The following NCALD variants were observed in gnomAD, a reference collection of about 807,000 sequenced individuals.
NCALD encodes neurocalcin delta.
A neutral mutation model predicts 18.6 loss-of-function variants in NCALD; 10 were observed. That is an observed-to-expected ratio of 0.54 (90% confidence interval 0.33 to 0.91). The LOEUF (loss-of-function observed/expected upper bound fraction) is 0.91. Ranked by LOEUF, NCALD falls within the 40% of genes least tolerant of loss-of-function variation. The pLI, the probability that NCALD is intolerant of heterozygous loss-of-function variation, is 0.03. For synonymous variants in NCALD, 88 were observed against 87.4 expected, an observed-to-expected ratio of 1.01 and a Z score of -0.04; for missense variants, 184 against 247.6, an observed-to-expected ratio of 0.74 and a Z score of 1.72.
chr8:101,837,225 G>A (rs149683634), intron 4 of NCALD, among the ~76,000 whole-genome samples: 56 of 152,262 alleles, frequency 3.7e-4, no homozygotes, highest in African/African-American at 1.3e-3. Flanking sequence ...CACTCTCCCT[G>A]TGACCTTGAA....
At chr8:101,780,620 T>C (rs1302881450) in intron 1 of NCALD, among the ~76,000 whole-genome samples, 1 of 151,934 alleles carries the variant, frequency 6.6e-6, no homozygotes, top group Non-Finnish European at 1.5e-5. Flanking sequence ...CTTGGGAAGA[T>C]GAAAAAGCTC....
chr8:101,911,804 C>T (rs1201842164), intron 3 of NCALD, among the ~76,000 whole-genome samples: 5 of 152,132 alleles, frequency 3.3e-5, no homozygotes, highest in African/African-American at 1.2e-4. Flanking sequence ...GTTTCTGTTT[C>T]GGTCCCCTAA....
chr8:102,053,075 C>T (rs558484907), intron 1 of NCALD, among the ~76,000 whole-genome samples: 1 of 152,302 alleles, frequency 6.6e-6, no homozygotes, highest in Admixed American at 6.5e-5. Flanking sequence ...GATCCTTCTA[C>T]TGGAGTGAAC....
chr8:101,737,017 A>C (rs1809952277), intron 1 of NCALD, among the ~76,000 whole-genome samples: 1 of 152,238 alleles, frequency 6.6e-6, no homozygotes, highest in Non-Finnish European at 1.5e-5. Flanking sequence ...CAAGAATGTA[A>C]GAGAGGTGAG....
At chr8:101,700,287 C>T (rs1815200009) in intron 2 of NCALD, among the ~76,000 whole-genome samples, 1 of 152,122 alleles carries the variant, frequency 6.6e-6, no homozygotes, top group South Asian at 2.1e-4. Context: ...TGGTCTCGAA[C>T]TCCTGGGCTT....
At chr8:102,000,142 G>T (rs186319166) in intron 2 of NCALD, among the ~76,000 whole-genome samples, 18 of 152,080 alleles carry the variant, frequency 1.2e-4, no homozygotes, top group Admixed American at 9.2e-4. Flanking sequence ...TAGGGATGAC[G>T]GATGGCACCT....
intron 1 of NCALD, among the ~76,000 whole-genome samples, chr8:101,760,494 T>G (rs923620339): frequency 1.3e-5 from 2 of 152,142 alleles, no homozygotes; most frequent in Non-Finnish European, 2.9e-5. Flanking sequence ...ACGTCTGGAT[T>G]AGGGGTGGCT....
intron 1 of NCALD, among the ~76,000 whole-genome samples, chr8:102,045,793 A>G (rs1310773022): frequency 1.3e-5 from 2 of 152,216 alleles, no homozygotes; most frequent in East Asian, 1.9e-4. Context: ...CACTTTTTAA[A>G]TGTTGGTCAT....
At chr8:101,833,080 T>C (rs1481995316) in intron 4 of NCALD, among the ~76,000 whole-genome samples, 4 of 152,200 alleles carry the variant, frequency 2.6e-5, no homozygotes, top group Non-Finnish European at 4.4e-5. Context: ...GCTTTTAAGG[T>C]GTCGCCCTTC....
intron 1 of NCALD, among the ~76,000 whole-genome samples, chr8:101,720,941 G>A (rs1586300833): frequency 6.6e-6 from 1 of 152,126 alleles, no homozygotes; most frequent in South Asian, 2.1e-4. Flanking sequence ...TAACAGTGAG[G>A]GGACGATATG....
intron 1 of NCALD, among the ~76,000 whole-genome samples, chr8:102,117,528 A>T (rs1441493007): frequency 1.3e-5 from 2 of 152,130 alleles, no homozygotes; most frequent in African/African-American, 4.8e-5. Flanking sequence ...CCTTCCTTTG[A>T]ACAGTATTCT....
chr8:101,712,536 C>A (rs1174761905), intron 2 of NCALD, among the ~76,000 whole-genome samples: 1 of 121,446 alleles, frequency 8.2e-6, no homozygotes, highest in Non-Finnish European at 1.6e-5. Context: ...CAAAGACACA[C>A]ATAGGCTCAA....
chr8:101,769,432 A>G (rs1811490361), intron 1 of NCALD, among the ~76,000 whole-genome samples: 1 of 152,126 alleles, frequency 6.6e-6, no homozygotes, highest in African/African-American at 2.4e-5. Flanking sequence ...TATACTACCT[A>G]TAAGCTTTTA....
At chr8:101,977,152 T>C (rs1028171894) in intron 2 of NCALD, among the ~76,000 whole-genome samples, 2 of 151,492 alleles carry the variant, frequency 1.3e-5, no homozygotes, top group South Asian at 4.2e-4. Context: ...TCATTACCTC[T>C]CTCTCAGCAG....
intron 1 of NCALD, among the ~76,000 whole-genome samples, chr8:101,778,973 T>TGG (rs1811905131): frequency 6.6e-6 from 1 of 151,934 alleles, no homozygotes; most frequent in African/African-American, 2.4e-5. Context: ...GGGAGAGGGA[T>TGG]GGGGGATGGA....
rs1169865066 is a variant in NCALD at position 101,804,397 on chromosome 8, T to C, written c.-20+82744A>G. Among the ~76,000 whole-genome samples the C allele has an allele frequency of 3.4e-5, 4 of 116,130 alleles. No individual in the cohort carries two copies. The East Asian group carries it at 7.2e-4, about 21-fold the overall frequency. The allele number at this position is 116,130 out of a possible 152,430, so 76.2% of individuals were successfully genotyped here. On this transcript the variant is annotated intron_variant, in intron 4 of 6. Coordinates refer to the NCALD transcript ENST00000311028. ...TTATATGTTACTATATATAGAAATA[T>C]ATATATTTCTAAATATATACTATTT...
At chr8:101,838,000 C>T (rs1178237942) in intron 4 of NCALD, among the ~76,000 whole-genome samples, 4 of 152,170 alleles carry the variant, frequency 2.6e-5, no homozygotes, top group African/African-American at 9.7e-5. Context: ...TCAGATCTTA[C>T]TTAGCACAAT....
At chr8:101,752,196 A>T (rs1418362394) in intron 1 of NCALD, among the ~76,000 whole-genome samples, 34 of 152,196 alleles carry the variant, frequency 2.2e-4, no homozygotes, top group Admixed American at 2.2e-3. Context: ...AAAAAATGCA[A>T]CTTCCAGCTA....
intron 1 of NCALD, among the ~76,000 whole-genome samples, chr8:101,772,870 G>T (rs753592442): frequency 1.3e-5 from 2 of 152,138 alleles, no homozygotes; most frequent in African/African-American, 4.8e-5. Context: ...AAAGGAGAGG[G>T]TCATGGTCCA....
Sources: gnomAD v4.1 joint callset for allele counts (sites outside exome capture counted in the v4.1 genomes callset) on GRCh38, gnomAD v4.1.1 for gene constraint, MANE v1.5 for transcripts, NCBI Gene and HGNC (gene_info 2026-07-23, HGNC 2026-07-21) for gene names.